ORMDL1: variants seen among roughly 807,000 people sequenced by gnomAD.
ORMDL1 encodes ORM1-like protein 1.
ORMDL1 carries 10 observed loss-of-function variants against 13.0 expected under a neutral mutation model. The ratio of observed to expected loss-of-function variants is 0.77; its 90% confidence interval spans 0.47 to 1.30. The LOEUF (loss-of-function observed/expected upper bound fraction) is 1.30. Ranked by LOEUF, ORMDL1 falls within the 50% of genes most tolerant of loss-of-function variation. ORMDL1 has a pLI of 0.00. For synonymous variants in ORMDL1, 61 were observed against 63.9 expected (o/e 0.95, Z 0.22); for missense variants, 171 against 186.7 (o/e 0.92, Z 0.49).
chr2:189,775,525 T>TA (rs1333632717), intron 4 of ORMDL1, 40 bp downstream of exon 4: 1 of 1,517,266 alleles, frequency 6.6e-7, no homozygotes, highest in Non-Finnish European at 8.9e-7. Flanking sequence ...ATCTTCCTCT[T>TA]ATCCAATCCT....
chr2:189,773,253 C>A (rs993298116), intron 4 of ORMDL1, among the ~76,000 whole-genome samples: 4 of 152,174 alleles, frequency 2.6e-5, no homozygotes, highest in African/African-American at 9.7e-5. Flanking sequence ...AAAACTTAGG[C>A]AATCCTCTGA....
In ORMDL1 at chr2:189,782,612, G is replaced by A; in HGVS notation, c.-7-10C>T. 1 of 1,609,896 alleles carries A rather than the reference G, an allele frequency of 6.2e-7. No homozygotes were observed. Among genetic ancestry groups the A allele is most frequent in the East Asian group, 2.2e-5 (1 of 44,760 alleles). On this transcript the variant is annotated splice_polypyrimidine_tract_variant and intron_variant, in intron 2 of 4. Coordinates refer to ENST00000392349, the MANE Select transcript of ORMDL1 (RefSeq NM_016467.5). ...AACGTTCATGTTTGCTCTGTAGGAA[G>A]TAATGAAATGAATCAACACTGATAC...
chr2:189,764,415 T>C, the ORMDL1 span: 3 of 152,286 alleles, frequency 2.0e-5, no homozygotes, highest in Non-Finnish European at 2.9e-5. Context: ...CTAGGCACTC[T>C]TGGCCAGTGT....
chr2:189,774,231 C>G (rs2047644417), intron 4 of ORMDL1, among the ~76,000 whole-genome samples: 1 of 152,186 alleles, frequency 6.6e-6, no homozygotes, highest in South Asian at 2.1e-4. Context: ...GACTACAGCT[C>G]ACTGCAGCCT....
downstream of ORMDL1, among the ~76,000 whole-genome samples, chr2:189,765,906 A>C (rs961675985): frequency 6.8e-5 from 10 of 147,516 alleles, no homozygotes; most frequent in Non-Finnish European, 1.5e-4. Context: ...GGCTCACTAC[A>C]ACCTCTGCCT....
intron 3 of ORMDL1, among the ~76,000 whole-genome samples, chr2:189,777,073 A>G (rs1171145241): frequency 6.6e-6 from 1 of 152,218 alleles, no homozygotes; most frequent in Non-Finnish European, 1.5e-5. Context: ...AATTCCTTAG[A>G]AAAACCTACC....
intron 3 of ORMDL1, chr2:189,778,406 A>T: frequency 4.4e-6 from 2 of 455,246 alleles, no homozygotes; most frequent in South Asian, 3.1e-5. Context: ...AAAAAAAAGG[A>T]CTAACTTATT....
intron 3 of ORMDL1, among the ~76,000 whole-genome samples, chr2:189,777,452 GAAT>G (rs1338688861): frequency 6.6e-6 from 1 of 152,112 alleles, no homozygotes; most frequent in African/African-American, 2.4e-5. Context: ...GAATATAAGA[GAAT>G]AATCATCCTC....
At chr2:189,782,753 T>A (rs1482509718) in intron 2 of ORMDL1, 151 bp from the exon 3 acceptor site, 2 of 607,962 alleles carry the variant, frequency 3.3e-6, no homozygotes, top group Admixed American at 6.2e-5. Context: ...ATGCTACTTG[T>A]AGATGCTGAT....
At chr2:189,778,417 C>T (rs534985609) in intron 3 of ORMDL1, 4 of 455,140 alleles carry the variant, frequency 8.8e-6, no homozygotes, top group East Asian at 7.0e-5. Context: ...CTAACTTATT[C>T]GGCAAACATT....
intron 4 of ORMDL1, among the ~76,000 whole-genome samples, chr2:189,773,155 G>A (rs2106142069): frequency 6.6e-6 from 1 of 152,226 alleles, no homozygotes; most frequent in Admixed American, 6.5e-5. Context: ...GGGTTCTTTT[G>A]ACTATAACCT....
intron 3 of ORMDL1, among the ~76,000 whole-genome samples, chr2:189,779,081 G>A (rs796240835): frequency 5.3e-5 from 8 of 152,216 alleles, no homozygotes; most frequent in African/African-American, 1.7e-4. Flanking sequence ...GGAAGGCTGA[G>A]GCAGGAAGAT....
chr2:189,773,755 T>C (rs373931997), intron 4 of ORMDL1: 70 of 131,640 alleles, frequency 5.3e-4, no homozygotes, highest in Non-Finnish European at 7.6e-4. Flanking sequence ...TAACATTCCA[T>C]GTCACACCTA....
At chr2:189,773,237 C>G (rs1410628149) in intron 4 of ORMDL1, among the ~76,000 whole-genome samples, 1 of 151,952 alleles carries the variant, frequency 6.6e-6, no homozygotes, top group Admixed American at 6.6e-5. Flanking sequence ...TTACTTGACT[C>G]TTTCAAAAAC....
At chr2:189,783,466 T>G (rs951373387) in intron 1 of ORMDL1, 1 of 152,294 alleles carries the variant, frequency 6.6e-6, no homozygotes, top group African/African-American at 2.4e-5. Flanking sequence ...GATTTTAAAA[T>G]ACACAAACGC....
the ORMDL1 span, chr2:189,764,243 TC>T: frequency 6.6e-6 from 1 of 152,272 alleles, no homozygotes; most frequent in Non-Finnish European, 1.5e-5. Flanking sequence ...AGAGCTTATT[TC>T]TGTTATACAC....
At position 189,782,467 on chromosome 2, in the gene ORMDL1, G is replaced by A; in HGVS notation, c.129C>T (p.Phe43=). 6.2e-7 allele frequency: 1 copy of A among 1,614,146 alleles called. No homozygotes were observed. Among genetic ancestry groups the A allele is most frequent in the Non-Finnish European group, 8.5e-7 (1 of 1,179,982 alleles). The stretch of plus-strand genomic sequence containing the variant: ...TTAAAGTCCAAGCAACAGGAACACT[G>A]AAGAAGGGAATGCTGAGTAAGACAA... ...LHIVLLSIPF[F]SVPVAWTLTN... The change falls in exon 3 of 5, where the codon TTC becomes TTT. Residue 43 remains phenylalanine (F), a synonymous_variant. Transcript: ENST00000392349.
At chr2:189,768,789 TATA>T (rs1446359120), downstream of ORMDL1, among the ~76,000 whole-genome samples, 2 of 152,164 alleles carry the variant, frequency 1.3e-5, no homozygotes, top group East Asian at 1.9e-4. Flanking sequence ...TCTTGTGCTA[TATA>T]ATAAGTAATA....
downstream of ORMDL1, among the ~76,000 whole-genome samples, chr2:189,765,929 C>T (rs377618618): frequency 6.8e-6 from 1 of 146,840 alleles, no homozygotes; most frequent in African/African-American, 2.5e-5. Context: ...CGGGTTCAAG[C>T]GATTCTCCTG....
Sources: gnomAD v4.1 joint callset for allele counts (sites outside exome capture counted in the v4.1 genomes callset) on GRCh38, gnomAD v4.1.1 for gene constraint, MANE v1.5 for transcripts, NCBI Gene and HGNC (gene_info 2026-07-23, HGNC 2026-07-21) for gene names.